The following PAK1 variants were observed in gnomAD, a reference collection of about 807,000 sequenced individuals.
The protein encoded by PAK1 is serine/threonine-protein kinase PAK 1.
Under a neutral mutation model 67.4 loss-of-function variants are expected in PAK1, and 29 were observed. The ratio of observed to expected loss-of-function variants is 0.43; its 90% CI spans 0.32 to 0.59. PAK1 has a LOEUF of 0.59. PAK1 is among the 20% of genes least tolerant of loss of function. The probability of loss-of-function intolerance (pLI) is 0.07; values close to 1 mark genes in which losing one functional copy is unlikely to be tolerated. For missense variants in PAK1, 337 were observed against 670.7 expected (o/e 0.50, Z 5.50); for synonymous variants, 223 against 237.4 (o/e 0.94, Z 0.56).
At chr11:77,340,822 C>CT in intron 10 of PAK1, 59 bp from the exon 11 acceptor site, 1 of 937,520 alleles carries the variant, frequency 1.1e-6, no homozygotes, top group Non-Finnish European at 1.8e-6. Flanking sequence ...AGCCATAGCA[C>CT]TGGGTTTCAA....
chr11:77,491,294 AAAT>A, the PAK1 span, among the ~76,000 whole-genome samples: 7 of 152,196 alleles, frequency 4.6e-5, no homozygotes, highest in Admixed American at 3.9e-4. Context: ...AATCTGTCAA[AAAT>A]AATAACTACA....
chr11:77,381,986 A>G lies in PAK1; in HGVS notation c.191-1992T>C, dbSNP rs550843449. 6.6e-5 allele frequency among the ~76,000 whole-genome samples: 10 copies of G among 152,330 alleles called. No individual in the cohort carries two copies. The South Asian group carries it at 1.7e-3, about 25-fold the overall frequency. ...GTCCATCTGTCTTTCTCATAGCCAG[A>G]ATGCACTGGAACATGTGGCAGGGCT... On this transcript the variant is annotated intron_variant, in intron 2 of 14. Transcript: ENST00000356341.
rs565084642 is a variant in PAK1, at chr11:77,407,144, GGTAACA to G, written c.-21-14609_-21-14604del. ...TGAAGCTTAAAAAGATTAAAAATCA[GGTAACA>G]GTAAGTGGTAGAACCAGGATTTGAA... On this transcript the variant is annotated intron_variant, in intron 1 of 14. Transcript: ENST00000356341. Among the ~76,000 whole-genome samples the G allele has an allele frequency of 2.7e-3, 407 of 152,162 alleles. 2 individuals are homozygous for G. Among genetic ancestry groups the G allele is most frequent in the Non-Finnish European group, 4.2e-3 (285 of 68,008 alleles).
the PAK1 span, among the ~76,000 whole-genome samples, chr11:77,511,326 T>C: frequency 6.6e-6 from 1 of 152,194 alleles, no homozygotes; most frequent in Non-Finnish European, 1.5e-5. Flanking sequence ...GTCTCTAAGA[T>C]CTATCATTTG....
intron 1 of PAK1, among the ~76,000 whole-genome samples, chr11:77,425,614 TA>T (rs1171332916): frequency 6.6e-5 from 10 of 152,222 alleles, no homozygotes; most frequent in Admixed American, 6.5e-4. Flanking sequence ...TCTTTTCACT[TA>T]AACTAATTAT....
chr11:77,432,657 C>CA (rs1257872317), intron 1 of PAK1, among the ~76,000 whole-genome samples: 1 of 150,558 alleles, frequency 6.6e-6, no homozygotes, highest in Admixed American at 6.6e-5. Flanking sequence ...GACCCTGTCT[C>CA]AAAAAAAGAG....
chr11:77,448,683 T>G (rs1228708954), intron 1 of PAK1, among the ~76,000 whole-genome samples: 3 of 152,310 alleles, frequency 2.0e-5, no homozygotes, highest in Admixed American at 2.0e-4. Flanking sequence ...GAAAGAATGT[T>G]TGGCTTATTT....
chr11:77,324,457 G>A (rs191119128), intron 14 of PAK1, among the ~76,000 whole-genome samples: 15 of 152,250 alleles, frequency 9.9e-5, no homozygotes, highest in Admixed American at 7.8e-4. Context: ...ACAGGCATGA[G>A]CCACCGTGCC....
At chr11:77,497,444 A>C in the PAK1 span, among the ~76,000 whole-genome samples, 1 of 152,204 alleles carries the variant, frequency 6.6e-6, no homozygotes, top group Non-Finnish European at 1.5e-5. Flanking sequence ...ACCCAGAAGG[A>C]AAGTGACTCA....
intron 1 of PAK1, among the ~76,000 whole-genome samples, chr11:77,472,970 A>G (rs1336573602): frequency 2.0e-5 from 3 of 152,202 alleles, no homozygotes; most frequent in African/African-American, 7.2e-5. Context: ...ATGAACATAA[A>G]ATAACTATAA....
chr11:77,327,105 A>G (rs1940141803), intron 14 of PAK1, among the ~76,000 whole-genome samples: 1 of 152,206 alleles, frequency 6.6e-6, no homozygotes, highest in Non-Finnish European at 1.5e-5. Flanking sequence ...AAAGAAACGA[A>G]CAAAGCCTCC....
chr11:77,374,127 A>C (rs1948792087), intron 5 of PAK1, among the ~76,000 whole-genome samples: 1 of 152,218 alleles, frequency 6.6e-6, no homozygotes, highest in South Asian at 2.1e-4. Flanking sequence ...CAAAGAAAGA[A>C]TTTCTAGGAC....
At chr11:77,480,529 T>G in the PAK1 span, among the ~76,000 whole-genome samples, 1 of 149,506 alleles carries the variant, frequency 6.7e-6, no homozygotes, top group African/African-American at 2.5e-5. Context: ...TGGTTTTTTT[T>G]TTTTTTTTTT....
chr11:77,394,851 A>G (rs1476037325), intron 1 of PAK1, among the ~76,000 whole-genome samples: 1 of 88,642 alleles, frequency 1.1e-5, no homozygotes, highest in Non-Finnish European at 3.1e-5. Flanking sequence ...CTCAAAAACA[A>G]AACAAAACAA....
chr11:77,326,982 C>T (rs879755148), intron 14 of PAK1, among the ~76,000 whole-genome samples: 6 of 151,996 alleles, frequency 3.9e-5, no homozygotes, highest in East Asian at 1.9e-4. Flanking sequence ...AGCTACGTGA[C>T]GAATGCAGAA....
chr11:77,411,906 T>G (rs1388437568), intron 1 of PAK1: 1 of 152,238 alleles, frequency 6.6e-6, no homozygotes, highest in Non-Finnish European at 1.5e-5. Context: ...GCTGGGCTCC[T>G]GGCAGCTCAG....
upstream of PAK1, among the ~76,000 whole-genome samples, chr11:77,477,905 A>G (rs1022676721): frequency 1.3e-5 from 2 of 152,148 alleles, no homozygotes; most frequent in African/African-American, 2.4e-5. Context: ...CCCAGGAAAC[A>G]GCGTGAAACC....
intron 2 of PAK1, among the ~76,000 whole-genome samples, chr11:77,385,833 G>A (rs776545754): frequency 1.4e-4 from 22 of 152,178 alleles, no homozygotes; most frequent in Non-Finnish European, 1.8e-4. Flanking sequence ...ACTCTAGCCC[G>A]GACAACAGAG....
At chr11:77,376,926 T>C (rs1298787283) in intron 4 of PAK1, among the ~76,000 whole-genome samples, 2 of 152,100 alleles carry the variant, frequency 1.3e-5, no homozygotes, top group East Asian at 1.9e-4. Flanking sequence ...ATTAATTTCT[T>C]TGAGTATATA....
Sources: allele counts gnomAD v4.1 joint callset (sites outside exome capture counted in the v4.1 genomes callset), GRCh38; gene constraint gnomAD v4.1.1; transcripts MANE v1.5; gene names NCBI Gene and HGNC (gene_info 2026-07-23, HGNC 2026-07-21).